CDC25C: variants seen among roughly 807,000 people sequenced by gnomAD.
CDC25C encodes M-phase inducer phosphatase 3.
A neutral mutation model predicts 52.5 loss-of-function variants in CDC25C; 48 were observed. That is an observed-to-expected ratio of 0.91 (90% CI 0.72 to 1.16). The LOEUF is 1.16. CDC25C is among the 50% of genes most tolerant of loss of function. CDC25C has a pLI of 0.00. For synonymous variants in CDC25C, 187 were observed against 206.5 expected, an observed-to-expected ratio of 0.91 and a Z score of 0.81; for missense variants, 510 against 566.1, an observed-to-expected ratio of 0.90 and a Z score of 1.01.
intron 7 of CDC25C, among the ~76,000 whole-genome samples, chr5:138,303,854 T>G (rs1757806453): frequency 1.3e-5 from 2 of 152,164 alleles, no homozygotes; most frequent in Admixed American, 1.3e-4. Flanking sequence ...ATCTCTGGCA[T>G]TAGTGAATAA....
intron 7 of CDC25C, among the ~76,000 whole-genome samples, chr5:138,305,904 G>C (rs1187924631): frequency 6.6e-6 from 1 of 152,140 alleles, no homozygotes; most frequent in African/African-American, 2.4e-5. Context: ...AGCTCAAAAA[G>C]CAAAGGGTTG....
chr5:138,338,285 C>T (rs902421449), exon 1 of CDC25C: 1 of 839,770 alleles, frequency 1.2e-6, no homozygotes, highest in Non-Finnish European at 1.7e-6. Context: ...CCGGCCGCGG[C>T]CCTGGGAGCT....
chr5:138,313,260 T>C lies in CDC25C; in HGVS notation c.615+5959A>G, dbSNP rs142010097. Among the ~76,000 whole-genome samples, 526 of 151,358 alleles carry C rather than the reference T, an allele frequency of 3.5e-3. 2 individuals are homozygous for C. The highest frequency in any genetic ancestry group is 0.012 in the African/African-American group (497 of 41,184). ...CGGCCACGGTGGGGCATGCCTGGAA[T>C]CCCAGCTACGCGGGAGGCTGAGGCA... is the stretch of plus-strand genomic sequence containing the variant. On this transcript the variant is annotated intron_variant, in intron 7 of 13. Transcript: ENST00000323760.
At chr5:138,318,953 A>C (rs1759122404) in intron 7 of CDC25C, among the ~76,000 whole-genome samples, 1 of 152,196 alleles carries the variant, frequency 6.6e-6, no homozygotes, top group African/African-American at 2.4e-5. Context: ...TGTTCAAATA[A>C]GGCAAACTCA....
At chr5:138,327,743 C>T (rs775129449) in intron 4 of CDC25C, among the ~76,000 whole-genome samples, 54 of 151,922 alleles carry the variant, frequency 3.6e-4, no homozygotes, top group Non-Finnish European at 6.2e-4. Flanking sequence ...ATTGTCTCCA[C>T]GTTACAAATA....
chr5:138,320,592 G>A (rs1428170747), intron 6 of CDC25C, among the ~76,000 whole-genome samples: 1 of 152,074 alleles, frequency 6.6e-6, no homozygotes, highest in Non-Finnish European at 1.5e-5. Flanking sequence ...GGCTGAAGCA[G>A]ATGGATCTCT....
chr5:138,336,642 G>C (rs1390343673), upstream of CDC25C: 2 of 151,808 alleles, frequency 1.3e-5, no homozygotes, highest in African/African-American at 4.8e-5. Context: ...AGCTGTGATC[G>C]CCTCAGTGCA....
intron 6 of CDC25C, among the ~76,000 whole-genome samples, chr5:138,323,887 G>A (rs1759634343): frequency 6.6e-6 from 1 of 151,382 alleles, no homozygotes; most frequent in Non-Finnish European, 1.5e-5. Context: ...GAACCCGGGA[G>A]GCAGAGGTTG....
At chr5:138,303,171 G>A (rs1757762354) in intron 7 of CDC25C, among the ~76,000 whole-genome samples, 1 of 152,210 alleles carries the variant, frequency 6.6e-6, no homozygotes, top group African/African-American at 2.4e-5. Flanking sequence ...GGCTTCTCAA[G>A]AAATGTATAG....
chr5:138,313,371 A>G (rs1166715323), intron 7 of CDC25C, among the ~76,000 whole-genome samples: 1 of 138,018 alleles, frequency 7.2e-6, no homozygotes, highest in Non-Finnish European at 1.5e-5. Flanking sequence ...GAGCAAGACT[A>G]TATCTCACAA....
chr5:138,336,139 T>G (rs1349273886), upstream of CDC25C, among the ~76,000 whole-genome samples: 5 of 151,160 alleles, frequency 3.3e-5, no homozygotes, highest in Non-Finnish European at 7.4e-5. Context: ...TCATTTGTTT[T>G]TTTTTTTTTT....
intron 7 of CDC25C, among the ~76,000 whole-genome samples, chr5:138,297,937 A>T (rs917808688): frequency 1.3e-5 from 2 of 152,094 alleles, no homozygotes; most frequent in African/African-American, 4.8e-5. Context: ...GGAACAACAA[A>T]TGCAATGGCC....
rs756070691 is a variant in CDC25C, at chr5:138,287,161, C to T, written c.1026+8G>A. Reference sequence around the variant, plus strand: ...CCTCCCCTACTAATGGCCACAATGTCGTCTCACCTGGATGTGTCCTCCCAG... The same window carrying T: ...CCTCCCCTACTAATGGCCACAATGTTGTCTCACCTGGATGTGTCCTCCCAG... On this transcript the variant is annotated splice_region_variant and intron_variant, in intron 11 of 13. Transcript: ENST00000323760. 7.5e-6 allele frequency: 12 copies of T among 1,597,298 alleles called. No homozygotes were observed. Among genetic ancestry groups the T allele is most frequent in the East Asian group, 4.5e-5 (2 of 44,806 alleles).
chr5:138,313,747 A>G (rs1300144419), intron 7 of CDC25C, among the ~76,000 whole-genome samples: 1 of 152,094 alleles, frequency 6.6e-6, no homozygotes, highest in African/African-American at 2.4e-5. Context: ...CAGCTGCCCC[A>G]GAAATGTACA....
chr5:138,315,448 C>A (rs900216446), intron 7 of CDC25C, among the ~76,000 whole-genome samples: 11 of 152,090 alleles, frequency 7.2e-5, no homozygotes, highest in African/African-American at 2.4e-4. Context: ...GTATTACAAA[C>A]TGCTCTTTAA....
upstream of CDC25C, among the ~76,000 whole-genome samples, chr5:138,332,648 A>G (rs1419389813): frequency 6.6e-6 from 1 of 151,904 alleles, no homozygotes; most frequent in South Asian, 2.1e-4. Context: ...GGCAGATTAC[A>G]TGAGGTCAGG....
chr5:138,322,000 A>T (rs1352459377), intron 6 of CDC25C, among the ~76,000 whole-genome samples: 12 of 151,720 alleles, frequency 7.9e-5, no homozygotes, highest in Admixed American at 5.9e-4. Context: ...AATTATTATT[A>T]TTATTTTATT....
intron 10 of CDC25C, among the ~76,000 whole-genome samples, chr5:138,288,168 C>T (rs1400042670): frequency 2.6e-5 from 4 of 151,976 alleles, no homozygotes; most frequent in African/African-American, 4.8e-5. Context: ...CTCTGCCTCC[C>T]GGGTTCAAGC....
chr5:138,337,826 G>T lies in CDC25C; in HGVS notation c.13+130C>A, dbSNP rs56366217. 7.9e-6 allele frequency: 4 copies of T among 505,026 alleles called. No homozygotes were observed. The East Asian group carries it at 2.2e-4, about 28-fold the overall frequency. The allele number at this position is 505,026 out of a possible 1,614,324, so 31.3% of individuals were successfully genotyped here. The stretch of plus-strand genomic sequence containing the variant: ...GAAGGGGGATTCCTTCGAAGAGGTG[G>T]TCGTGGAGGGCGGGGCAGCAGAGCA... On this transcript the variant is annotated intron_variant, in intron 1 of 5. Coordinates refer to the CDC25C transcript ENST00000510119.
Sources: gnomAD v4.1 joint callset for allele counts (sites outside exome capture counted in the v4.1 genomes callset) on GRCh38, gnomAD v4.1.1 for gene constraint, MANE v1.5 for transcripts, NCBI Gene and HGNC (gene_info 2026-07-23, HGNC 2026-07-21) for gene names.